The following GALNT17 variants were observed in gnomAD, a reference collection of about 807,000 sequenced individuals.
GALNT17 encodes the protein polypeptide N-acetylgalactosaminyltransferase 17.
GALNT17 carries 29 observed loss-of-function variants against 63.7 expected under a neutral mutation model. The observed-to-expected ratio is 0.46, with a 90% CI of 0.34 to 0.62. GALNT17 has a LOEUF of 0.62. Ranked by LOEUF, GALNT17 falls within the 20% of genes least tolerant of loss-of-function variation. The pLI, the probability that GALNT17 is intolerant of heterozygous loss-of-function variation, is 0.01. For missense variants in GALNT17, 603 were observed against 799.6 expected, an observed-to-expected ratio of 0.75 and a Z score of 2.97; for synonymous variants, 305 against 318.3, an observed-to-expected ratio of 0.96 and a Z score of 0.45.
intron 1 of GALNT17, among the ~76,000 whole-genome samples, chr7:71,144,904 A>AT (rs779358610): frequency 6.6e-6 from 1 of 151,960 alleles, no homozygotes; most frequent in Non-Finnish European, 1.5e-5. Context: ...AATTTTTTGT[A>AT]TTTTTAGTAG....
chr7:71,503,218 G>A (rs1409932357), intron 5 of GALNT17, among the ~76,000 whole-genome samples: 1 of 152,098 alleles, frequency 6.6e-6, no homozygotes, highest in Non-Finnish European at 1.5e-5. Context: ...ACATGTCAAT[G>A]ATCACTTCTA....
At chr7:71,238,245 G>C (rs914190584) in intron 1 of GALNT17, among the ~76,000 whole-genome samples, 1 of 152,200 alleles carries the variant, frequency 6.6e-6, no homozygotes. Context: ...TTCTTTTGCA[G>C]TATTTCAGGC....
chr7:71,534,453 G>C (rs113922554), intron 5 of GALNT17, among the ~76,000 whole-genome samples: 12,775 of 151,962 alleles, frequency 0.084, 1,500 homozygotes, highest in African/African-American at 0.27. Flanking sequence ...CAAAAAATTA[G>C]CTGGGCATGG....
chr7:71,666,216 G>T (rs1052960208), intron 7 of GALNT17, among the ~76,000 whole-genome samples: 2 of 151,920 alleles, frequency 1.3e-5, no homozygotes, highest in African/African-American at 4.8e-5. Flanking sequence ...ATTTGTTCCA[G>T]GATTCCCTGT....
At chr7:71,375,889 A>T (rs1359860800) in intron 2 of GALNT17, among the ~76,000 whole-genome samples, 1 of 152,126 alleles carries the variant, frequency 6.6e-6, no homozygotes, top group African/African-American at 2.4e-5. Flanking sequence ...ACCAGCCTGA[A>T]CAACATGGTA....
At chr7:71,594,996 G>A (rs1326003134) in intron 6 of GALNT17, among the ~76,000 whole-genome samples, 1 of 152,136 alleles carries the variant, frequency 6.6e-6, no homozygotes, top group Non-Finnish European at 1.5e-5. Flanking sequence ...GATTCATGTT[G>A]TGATAAAGAG....
intron 1 of GALNT17, among the ~76,000 whole-genome samples, chr7:71,326,079 C>T (rs1563004544): frequency 1.3e-5 from 2 of 152,012 alleles, no homozygotes. Context: ...TTTCTAACGT[C>T]TGTGTTCTTC....
intron 1 of GALNT17, among the ~76,000 whole-genome samples, chr7:71,308,484 A>G (rs1791349611): frequency 6.6e-6 from 1 of 152,118 alleles, no homozygotes; most frequent in Non-Finnish European, 1.5e-5. Context: ...AACATTCTAT[A>G]CCAAATTCAC....
intron 6 of GALNT17, among the ~76,000 whole-genome samples, chr7:71,613,017 A>G (rs1173527983): frequency 1.3e-5 from 2 of 152,172 alleles, no homozygotes; most frequent in Non-Finnish European, 2.9e-5. Flanking sequence ...CTCGCCTATC[A>G]CCAGACTCCA....
intron 3 of GALNT17, among the ~76,000 whole-genome samples, chr7:71,409,262 A>G (rs952939545): frequency 6.6e-6 from 1 of 152,124 alleles, no homozygotes; most frequent in Non-Finnish European, 1.5e-5. Context: ...GCCCACACTC[A>G]GGGTCTAATT....
intron 6 of GALNT17, among the ~76,000 whole-genome samples, chr7:71,664,446 CA>C (rs1252841665): frequency 5.3e-5 from 8 of 151,960 alleles, no homozygotes; most frequent in Non-Finnish European, 1.2e-4. Context: ...CTCATCTCTA[CA>C]AAAAAATTTA....
intron 5 of GALNT17, among the ~76,000 whole-genome samples, chr7:71,535,255 A>G (rs946156310): frequency 2.6e-5 from 4 of 152,158 alleles, no homozygotes; most frequent in African/African-American, 9.7e-5. Context: ...GAGTCTAGCA[A>G]TAGGTTGCCT....
chr7:71,516,587 G>T (rs1788448780), intron 5 of GALNT17, among the ~76,000 whole-genome samples: 1 of 152,124 alleles, frequency 6.6e-6, no homozygotes, highest in South Asian at 2.1e-4. Context: ...ATGCAGGAGG[G>T]GTGCAGGTAT....
At chr7:71,432,389 C>A (rs1786883271) in intron 5 of GALNT17, among the ~76,000 whole-genome samples, 1 of 152,188 alleles carries the variant, frequency 6.6e-6, no homozygotes, top group Non-Finnish European at 1.5e-5. Flanking sequence ...CATGGAGAGC[C>A]TTGCATGACT....
At chr7:71,708,599 T>G (rs2115562646) in intron 9 of GALNT17, among the ~76,000 whole-genome samples, 1 of 152,236 alleles carries the variant, frequency 6.6e-6, no homozygotes, top group South Asian at 2.1e-4. Flanking sequence ...CATATATAGG[T>G]TTTTAACAAG....
intron 3 of GALNT17, among the ~76,000 whole-genome samples, chr7:71,407,979 A>G (rs1793359480): frequency 6.6e-6 from 1 of 152,142 alleles, no homozygotes; most frequent in South Asian, 2.1e-4. Context: ...AAAGTTCTAG[A>G]TAGTGGTGAT....
intron 10 of GALNT17, 28 bp from the exon 11 acceptor site, chr7:71,711,990 C>T (rs953618341): frequency 8.7e-6 from 14 of 1,612,428 alleles, no homozygotes; most frequent in East Asian, 2.2e-5. Flanking sequence ...CTCTCTTCTC[C>T]TCTCTTCTCG....
intron 5 of GALNT17, among the ~76,000 whole-genome samples, chr7:71,427,335 A>G (rs1786778356): frequency 6.6e-6 from 1 of 151,762 alleles, no homozygotes; most frequent in South Asian, 2.1e-4. Flanking sequence ...TGACCTCGTG[A>G]TCTGCCTGCC....
intron 1 of GALNT17, among the ~76,000 whole-genome samples, chr7:71,318,460 A>G (rs1348211290): frequency 7.7e-6 from 1 of 129,670 alleles, no homozygotes. Flanking sequence ...TTGCTTTGTC[A>G]CCAGGCTGGA....
Sources: allele counts gnomAD v4.1 joint callset (sites outside exome capture counted in the v4.1 genomes callset), GRCh38; gene constraint gnomAD v4.1.1; transcripts MANE v1.5; gene names NCBI Gene and HGNC (gene_info 2026-07-23, HGNC 2026-07-21).